Variants in SRGAP1 observed in about 807,000 individuals in gnomAD.
SRGAP1 encodes SLIT-ROBO Rho GTPase activating protein 1.
In SRGAP1, 43 loss-of-function variants were observed where a neutral mutation model predicts 121.9. The observed-to-expected ratio is 0.35, with a 90% confidence interval of 0.28 to 0.46. The LOEUF (loss-of-function observed/expected upper bound fraction) is 0.46. Among genes scored for constraint, SRGAP1 ranks in the 20% least tolerant of loss-of-function variants. The pLI, the probability that SRGAP1 is intolerant of heterozygous loss-of-function variation, is 1.00. For missense variants in SRGAP1, 1,102 were observed against 1,350.9 expected (o/e 0.82, Z 2.89); for synonymous variants, 447 against 485.4 (o/e 0.92, Z 1.04).
At chr12:63,860,556 A>G (rs981685348) in intron 1 of SRGAP1, among the ~76,000 whole-genome samples, 1 of 152,136 alleles carries the variant, frequency 6.6e-6, no homozygotes, top group Non-Finnish European at 1.5e-5. Context: ...ATTGTGTTCA[A>G]ATTTTCTGAT....
intron 12 of SRGAP1, among the ~76,000 whole-genome samples, chr12:64,092,240 T>C (rs1246305017): frequency 6.6e-6 from 1 of 152,200 alleles, no homozygotes; most frequent in Non-Finnish European, 1.5e-5. Flanking sequence ...TGGACCCTAG[T>C]GTGAATTTTA....
At chr12:64,068,345 A>T (rs999067367) in intron 8 of SRGAP1, among the ~76,000 whole-genome samples, 2 of 150,982 alleles carry the variant, frequency 1.3e-5, no homozygotes, top group African/African-American at 4.9e-5. Flanking sequence ...TGAAAAAAAA[A>T]TTTTTTTTGA....
intron 12 of SRGAP1, 114 bp downstream of exon 12, chr12:64,091,492 C>A: frequency 1.6e-6 from 1 of 632,412 alleles, no homozygotes; most frequent in Non-Finnish European, 2.6e-6. Flanking sequence ...GGGCTCTTTG[C>A]TTTCCCAGAA....
intron 3 of SRGAP1, among the ~76,000 whole-genome samples, chr12:63,992,714 C>CGT: frequency 2.4e-5 from 3 of 124,498 alleles, no homozygotes; most frequent in Admixed American, 8.3e-5. Context: ...CACACACACA[C>CGT]ACGTGCAGAG....
At chr12:63,955,056 G>A (rs1428696916) in intron 1 of SRGAP1, among the ~76,000 whole-genome samples, 3 of 152,054 alleles carry the variant, frequency 2.0e-5, no homozygotes, top group Admixed American at 6.6e-5. Context: ...GGTGGCTCGC[G>A]CCTATAATCC....
intron 11 of SRGAP1, among the ~76,000 whole-genome samples, chr12:64,090,928 A>G (rs2036039459): frequency 6.6e-6 from 1 of 152,180 alleles, no homozygotes. Flanking sequence ...GACCGGTTGT[A>G]TCTTACTGTG....
Position 64,095,170 on chromosome 12 carries a change from G to A in SRGAP1, c.1644G>A (p.Val548=). 1.9e-6 allele frequency: 3 copies of A among 1,614,042 alleles called. No individual in the cohort carries two copies. The highest frequency in any genetic ancestry group is 2.5e-6 in the Non-Finnish European group (3 of 1,179,974). ...QGIFRVSGSQ[V]EVNDIKNSFE... ...TTTTCAGAGTGTCTGGTTCCCAGGT[G>A]GAAGTCAATGATATTAAAAATTCAT... is the stretch of plus-strand genomic sequence containing the variant. The change falls in exon 14 of 22, where the codon GTG becomes GTA. Residue 548 remains valine (V), a synonymous_variant. Transcript: ENST00000355086.
chr12:64,045,272 A>G (rs1205664144), intron 6 of SRGAP1, among the ~76,000 whole-genome samples: 1 of 152,096 alleles, frequency 6.6e-6, no homozygotes, highest in South Asian at 2.1e-4. Flanking sequence ...ATTTTATTTT[A>G]GTTTTTTGAG....
chr12:63,958,890 C>T (rs1277252980), intron 1 of SRGAP1, among the ~76,000 whole-genome samples: 1 of 152,192 alleles, frequency 6.6e-6, no homozygotes, highest in Non-Finnish European at 1.5e-5. Context: ...GTCTATTCAT[C>T]AAGTCCCATT....
chr12:64,071,879 CAA>C (rs55972451), intron 8 of SRGAP1, among the ~76,000 whole-genome samples: 2 of 147,600 alleles, frequency 1.4e-5, no homozygotes, highest in African/African-American at 2.5e-5. Context: ...CACCCCCCCC[CAA>C]AAAAAAAAGT....
Position 64,161,472 on chromosome 12 carries a change from G to A in SRGAP1, c.*18800G>A, listed in dbSNP as rs147175015. 1 of 152,144 alleles carries A rather than the reference G, an allele frequency of 6.6e-6. No individual in the cohort carries two copies. The highest frequency in any genetic ancestry group is 1.9e-4 in the East Asian group (1 of 5,176). 9.4% of individuals were successfully genotyped at this position (152,144 alleles called of 1,614,324 possible). ...TTAAGTACTTTATTTCTGCTCTCAT[G>A]CTTTTAATTTCCAAAAGCTCTTTTT... On this transcript the variant is annotated 3_prime_UTR_variant, in exon 22 of 22. Coordinates refer to ENST00000355086, the MANE Select transcript of SRGAP1 (RefSeq NM_020762.4).
At chr12:64,122,499 A>G (rs1372009225) in intron 18 of SRGAP1, among the ~76,000 whole-genome samples, 1 of 152,224 alleles carries the variant, frequency 6.6e-6, no homozygotes, top group East Asian at 1.9e-4. Flanking sequence ...TAGTTGATGT[A>G]CTAGGATTGC....
At chr12:64,000,718 G>A (rs995010392) in intron 3 of SRGAP1, among the ~76,000 whole-genome samples, 2 of 152,204 alleles carry the variant, frequency 1.3e-5, no homozygotes, top group African/African-American at 4.8e-5. Flanking sequence ...TCTGCCAAGG[G>A]GGCAGGTAAT....
intron 3 of SRGAP1, among the ~76,000 whole-genome samples, chr12:64,001,524 A>G (rs936421682): frequency 6.6e-6 from 1 of 152,200 alleles, no homozygotes; most frequent in African/African-American, 2.4e-5. Context: ...GTTTTTGGAC[A>G]TGTAACAAGT....
At position 64,011,071 on chromosome 12, in the gene SRGAP1, G is replaced by T. The variant is rs551498784; in HGVS notation, c.427-5879G>T. On this transcript the variant is annotated intron_variant, in intron 3 of 21. Transcript: ENST00000355086. ...TCTAGGAAAGAGGAAATGGCTTGAG[G>T]AAAGTACAGAGATGGGAAAGCGGGG... Among the ~76,000 whole-genome samples the T allele has an allele frequency of 4.6e-5, 7 of 152,086 alleles. No homozygotes were observed. In the East Asian group the frequency reaches 1.4e-3, roughly 29 times the overall value.
At chr12:64,112,009 T>C (rs1017565784) in intron 17 of SRGAP1, 23 bp downstream of exon 17, 6 of 1,578,276 alleles carry the variant, frequency 3.8e-6, no homozygotes, top group Non-Finnish European at 5.2e-6. Context: ...ATTTTAGTCC[T>C]CCTCTCCCAC....
At position 64,156,878 on chromosome 12, in the gene SRGAP1, A is replaced by G. The variant is rs2037167881; in HGVS notation, c.*14206A>G. The G allele has an allele frequency of 6.6e-6, 1 of 152,214 alleles. No individual in the cohort carries two copies. The highest frequency in any genetic ancestry group is 1.5e-5 in the Non-Finnish European group (1 of 68,046). 9.4% of individuals were successfully genotyped at this position (152,214 alleles called of 1,614,324 possible). On this transcript the variant is annotated 3_prime_UTR_variant, in exon 22 of 22. Transcript: ENST00000355086. The stretch of plus-strand genomic sequence containing the variant: ...TGGCGAAAGAACACATTTCTCTAGG[A>G]AAGATTACCTTCTCTGAAGAAGTGA...
intron 1 of SRGAP1, among the ~76,000 whole-genome samples, chr12:63,899,559 T>C (rs2136304668): frequency 6.6e-6 from 1 of 152,168 alleles, no homozygotes; most frequent in South Asian, 2.1e-4. Context: ...GCTACAGAAA[T>C]TGGAAGTGAG....
At position 64,151,399 on chromosome 12, in the gene SRGAP1, C is replaced by T. The variant is rs1470132965; in HGVS notation, c.*8727C>T. The T allele has an allele frequency of 6.6e-6, 1 of 151,688 alleles. No homozygotes were observed. Among genetic ancestry groups the T allele is most frequent in the Admixed American group, 6.6e-5 (1 of 15,226 alleles). The allele number at this position is 151,688 out of a possible 1,614,324, so 9.4% of individuals were successfully genotyped here. ...AACCATTTTCCTGTCACTGAGTGAG[C>T]CTGTTTGAAGGTTTTGTTTTTTTTT... On this transcript the variant is annotated 3_prime_UTR_variant, in exon 22 of 22. Transcript: ENST00000355086.
Sources: gnomAD v4.1 joint callset for allele counts (sites outside exome capture counted in the v4.1 genomes callset) on GRCh38, gnomAD v4.1.1 for gene constraint, MANE v1.5 for transcripts, NCBI Gene and HGNC (gene_info 2026-07-23, HGNC 2026-07-21) for gene names.